The following GABBR2 variants were observed in gnomAD, a reference collection of about 807,000 sequenced individuals.
GABBR2 encodes G-protein coupled receptor 51.
A neutral mutation model predicts 105.6 loss-of-function variants in GABBR2; 23 were observed. That is an observed-to-expected ratio of 0.22 (90% CI 0.16 to 0.31). The LOEUF is 0.31. GABBR2 is among the 10% of genes least tolerant of loss of function. The pLI is 1.00. For synonymous variants in GABBR2, 478 were observed against 499.7 expected, an observed-to-expected ratio of 0.96 and a Z score of 0.58; for missense variants, 734 against 1,245.5, an observed-to-expected ratio of 0.59 and a Z score of 6.18.
At chr9:98,394,799 G>T (rs927085155) in intron 8 of GABBR2, among the ~76,000 whole-genome samples, 21 of 152,134 alleles carry the variant, frequency 1.4e-4, no homozygotes, top group Admixed American at 1.4e-3. Flanking sequence ...GTAGAGTGTA[G>T]ATCCAAGGAC....
At chr9:98,567,176 G>T (rs965400604) in intron 2 of GABBR2, among the ~76,000 whole-genome samples, 2 of 152,164 alleles carry the variant, frequency 1.3e-5, no homozygotes, top group African/African-American at 4.8e-5. Flanking sequence ...AGTGGCTGGC[G>T]GTGAAAGACG....
chr9:98,512,614 GACAA>G (rs1827670102), intron 3 of GABBR2, among the ~76,000 whole-genome samples: 3 of 151,936 alleles, frequency 2.0e-5, no homozygotes, highest in Non-Finnish European at 2.9e-5. Context: ...ACCAATAACA[GACAA>G]ACAGAGAGCC....
intron 5 of GABBR2, among the ~76,000 whole-genome samples, chr9:98,477,588 G>A (rs575062456): frequency 2.6e-5 from 4 of 152,186 alleles, no homozygotes; most frequent in African/African-American, 7.2e-5. Context: ...ACTGACAAAC[G>A]GGTACTATTG....
chr9:98,313,529 G>A (rs1588094856), intron 13 of GABBR2, among the ~76,000 whole-genome samples: 1 of 152,200 alleles, frequency 6.6e-6, no homozygotes, highest in Admixed American at 6.5e-5. Context: ...GATTTGTTCA[G>A]TCCTACATTA....
intron 12 of GABBR2, among the ~76,000 whole-genome samples, chr9:98,368,301 T>TA (rs138373969): frequency 0.08 from 7,943 of 99,826 alleles, 260 homozygotes; most frequent in South Asian, 0.14. Context: ...TTTTAAAAAG[T>TA]AAAAAAAAAA....
At chr9:98,664,183 T>G (rs1201294724) in intron 1 of GABBR2, among the ~76,000 whole-genome samples, 1 of 152,186 alleles carries the variant, frequency 6.6e-6, no homozygotes, top group Non-Finnish European at 1.5e-5. Flanking sequence ...TCTGAAACTG[T>G]TTCTCCCACT....
At chr9:98,624,199 G>A (rs965349758) in intron 1 of GABBR2, among the ~76,000 whole-genome samples, 3 of 152,188 alleles carry the variant, frequency 2.0e-5, no homozygotes, top group African/African-American at 4.8e-5. Context: ...GGTGTGCAAT[G>A]TGAGCCCCAC....
At chr9:98,365,445 A>G (rs1831659345) in intron 12 of GABBR2, among the ~76,000 whole-genome samples, 1 of 152,200 alleles carries the variant, frequency 6.6e-6, no homozygotes, top group African/African-American at 2.4e-5. Context: ...ACTAATCATC[A>G]TGTGTGGATG....
intron 3 of GABBR2, among the ~76,000 whole-genome samples, chr9:98,501,984 G>A (rs181141021): frequency 9.9e-4 from 150 of 152,192 alleles, no homozygotes; most frequent in Middle Eastern, 3.4e-3. Context: ...GCTGGTTCAC[G>A]GTGCTGTGGT....
chr9:98,518,510 C>T (rs1405283155), intron 3 of GABBR2, among the ~76,000 whole-genome samples: 2 of 152,152 alleles, frequency 1.3e-5, no homozygotes, highest in African/African-American at 2.4e-5. Context: ...GGTAAATAGC[C>T]CTTCCTCCAT....
At chr9:98,342,682 G>A (rs567328359) in intron 13 of GABBR2, among the ~76,000 whole-genome samples, 1 of 152,316 alleles carries the variant, frequency 6.6e-6, no homozygotes, top group South Asian at 2.1e-4. Flanking sequence ...GACAAGACCA[G>A]CCTCACTCAC....
In GABBR2 at chr9:98,454,096, T is replaced by C; in HGVS notation, c.1121A>G (p.Glu374Gly). 1 of 1,613,988 alleles carries C rather than the reference T, an allele frequency of 6.2e-7. No individual in the cohort carries two copies. The highest frequency in any genetic ancestry group is 8.5e-7 in the Non-Finnish European group (1 of 1,179,866). The part of the protein sequence containing the change: ...VIAKTLQRAM[E>G]TLHASSRHQR... ...GTGCCGGCTGCTGGCATGCAGTGTC[T>C]CCATGGCCCTCTGCAGTGTCTTGGC... is the stretch of plus-strand genomic sequence containing the variant. Residue 374 changes from glutamate (E) to glycine (G), a missense_variant, in exon 7 of 19, where the codon GAG becomes GGG. This residue lies in a region of GABBR2 where 370 missense variants were observed against 648.9 expected (regional missense o/e 0.57). Coordinates refer to ENST00000259455, the MANE Select transcript of GABBR2 (RefSeq NM_005458.8). The surrounding 1 kb of genome is among the most constrained non-coding windows in gnomAD (Gnocchi z 4.6).
intron 7 of GABBR2, among the ~76,000 whole-genome samples, chr9:98,415,887 A>G (rs1832681894): frequency 6.6e-6 from 1 of 152,158 alleles, no homozygotes; most frequent in Non-Finnish European, 1.5e-5. Context: ...TGCGAGAAGG[A>G]GTCATTGATC....
chr9:98,320,618 C>G (rs1830802721), intron 13 of GABBR2, among the ~76,000 whole-genome samples: 1 of 152,118 alleles, frequency 6.6e-6, no homozygotes, highest in African/African-American at 2.4e-5. Context: ...GCAAATGTGG[C>G]ACATATACAC....
At chr9:98,509,648 T>A (rs1178465159) in intron 3 of GABBR2, among the ~76,000 whole-genome samples, 2 of 152,082 alleles carry the variant, frequency 1.3e-5, no homozygotes, top group Non-Finnish European at 2.9e-5. Context: ...GCCAATGCGA[T>A]CAACTGGAAG....
intron 7 of GABBR2, among the ~76,000 whole-genome samples, chr9:98,417,148 A>G (rs1242909174): frequency 6.6e-6 from 1 of 152,176 alleles, no homozygotes; most frequent in African/African-American, 2.4e-5. Context: ...ATGCAGGACT[A>G]TTGGTTACGT....
rs1415876095 is a variant in GABBR2, at chr9:98,290,399, C to A, written c.*185G>T. ...AAATAAGGACTTCACAAATAAGGCT[C>A]GAGGTCAGGTGCCAAGTCTCCCCCT... On this transcript the variant is annotated 3_prime_UTR_variant, in exon 19 of 19. Coordinates refer to ENST00000259455, the MANE Select transcript of GABBR2 (RefSeq NM_005458.8). The A allele has an allele frequency of 5.4e-6, 2 of 367,914 alleles. No individual in the cohort carries two copies. Among genetic ancestry groups the A allele is most frequent in the African/African-American group, 2.1e-5 (1 of 47,984 alleles). 22.8% of individuals were successfully genotyped at this position (367,914 alleles called of 1,614,324 possible).
intron 1 of GABBR2, among the ~76,000 whole-genome samples, chr9:98,592,011 G>A (rs1427983278): frequency 6.6e-6 from 1 of 152,224 alleles, no homozygotes; most frequent in East Asian, 1.9e-4. Context: ...CTCAAGCAAG[G>A]GGGGCACTTG....
chr9:98,300,286 T>C (rs1054618834), intron 16 of GABBR2, among the ~76,000 whole-genome samples: 1 of 151,456 alleles, frequency 6.6e-6, no homozygotes, highest in African/African-American at 2.4e-5. Flanking sequence ...CTCAGAGGAG[T>C]TAATCAGGAT....
Sources: gnomAD v4.1 joint callset for allele counts (sites outside exome capture counted in the v4.1 genomes callset) on GRCh38, gnomAD v4.1.1 for gene constraint, gnomAD v4.1.1 regional missense constraint, Gnocchi (gnomAD v3.1) non-coding constraint, MANE v1.5 for transcripts, NCBI Gene and HGNC (gene_info 2026-07-23, HGNC 2026-07-21) for gene names.